The following UNC79 variants were observed in gnomAD, a reference collection of about 807,000 sequenced individuals.
UNC79 encodes protein unc-79 homolog.
Under a neutral mutation model 283.1 loss-of-function variants are expected in UNC79, and 37 were observed. That is an observed-to-expected ratio of 0.13 (90% CI 0.10 to 0.17). UNC79 has a LOEUF of 0.17. Ranked by LOEUF, UNC79 falls within the 10% of genes least tolerant of loss-of-function variation. The pLI, the probability that UNC79 is intolerant of heterozygous loss-of-function variation, is 1.00. For synonymous variants in UNC79, 1,107 were observed against 1,200.2 expected, an observed-to-expected ratio of 0.92 and a Z score of 1.61; for missense variants, 2,272 against 3,211.1, an observed-to-expected ratio of 0.71 and a Z score of 7.07.
intron 1 of UNC79, among the ~76,000 whole-genome samples, chr14:93,355,270 T>G (rs1024273117): frequency 6.6e-6 from 1 of 152,000 alleles, no homozygotes; most frequent in African/African-American, 2.4e-5. Flanking sequence ...CTCAGCTCAC[T>G]CACTGCAACC....
chr14:93,424,016 G>GA (rs1214081266), intron 1 of UNC79, among the ~76,000 whole-genome samples: 5 of 151,940 alleles, frequency 3.3e-5, no homozygotes, highest in South Asian at 2.1e-4. Flanking sequence ...AACTCTGTAG[G>GA]AAAAAAATCT....
rs140363757 is a variant in UNC79, at chr14:93,432,420, C to T, written c.22+1369C>T. 2.7e-3 allele frequency among the ~76,000 whole-genome samples: 410 copies of T among 152,202 alleles called. 1 individual carries two copies. Among genetic ancestry groups the T allele is most frequent in the African/African-American group, 9.3e-3 (388 of 41,524 alleles). On this transcript the variant is annotated intron_variant, in intron 1 of 48. Transcript: ENST00000555664. Reference sequence around the variant, plus strand: ...TGAACTTTATTTCCTCATCTGTAAACCTGGGCTAATCATGCTGATGGGGTT... The same window carrying T: ...TGAACTTTATTTCCTCATCTGTAAATCTGGGCTAATCATGCTGATGGGGTT...
chr14:93,561,384 T>A (rs2141434923), intron 14 of UNC79, among the ~76,000 whole-genome samples: 1 of 151,854 alleles, frequency 6.6e-6, no homozygotes, highest in Middle Eastern at 3.4e-3. Context: ...TCTGGGGAGG[T>A]CTTGCTGGAC....
intron 33 of UNC79, among the ~76,000 whole-genome samples, chr14:93,641,802 T>C (rs1164321676): frequency 1.3e-5 from 2 of 152,222 alleles, no homozygotes; most frequent in Non-Finnish European, 2.9e-5. Flanking sequence ...TCACCTTGAA[T>C]TGTAATAATC....
intron 39 of UNC79, among the ~76,000 whole-genome samples, chr14:93,660,429 AG>A (rs2071412665): frequency 6.7e-6 from 1 of 150,098 alleles, no homozygotes; most frequent in Non-Finnish European, 1.5e-5. Context: ...GCTTGAATTC[AG>A]GCTTCTCTTT....
At chr14:93,447,447 T>C (rs2056496475) in intron 1 of UNC79, among the ~76,000 whole-genome samples, 1 of 152,132 alleles carries the variant, frequency 6.6e-6, no homozygotes, top group African/African-American at 2.4e-5. Flanking sequence ...TACATCTACA[T>C]ATGTTATAAA....
chr14:93,489,222 G>A lies in UNC79; in HGVS notation c.712+1467G>A, dbSNP rs73345833. Among the ~76,000 whole-genome samples, 620 of 152,308 alleles carry A rather than the reference G, an allele frequency of 4.1e-3. 2 individuals carry two copies. Among genetic ancestry groups the A allele is most frequent in the African/African-American group, 0.013 (555 of 41,574 alleles). ...CAAAGTACTGGGATTACATGCATAAGCCACCATGTCTGGCAACATACAAAT... is the reference window on the plus strand; with the variant it reads ...CAAAGTACTGGGATTACATGCATAAACCACCATGTCTGGCAACATACAAAT... On this transcript the variant is annotated intron_variant, in intron 5 of 48. Coordinates refer to ENST00000555664, the Ensembl canonical transcript of UNC79.
At chr14:93,548,977 T>C (rs1431036102) in intron 14 of UNC79, among the ~76,000 whole-genome samples, 1 of 152,242 alleles carries the variant, frequency 6.6e-6, no homozygotes, top group Non-Finnish European at 1.5e-5. Context: ...AATCTCACAA[T>C]TTCTAGATGC....
rs928411124 is a variant in UNC79 at position 93,538,343 on chromosome 14, C to T, written c.1352+125C>T. On this transcript the variant is annotated intron_variant, in intron 12 of 48. Transcript: ENST00000555664. The stretch of plus-strand genomic sequence containing the variant: ...CCCTTAGCCCAGATGCTCACCTTCC[C>T]ACAGTGTTGTAATGATGCTATTTTA... The T allele has an allele frequency of 8.3e-6, 8 of 967,902 alleles. No homozygotes were observed. The African/African-American group carries it at 1.3e-4, about 16-fold the overall frequency. 60.0% of individuals were successfully genotyped at this position (967,902 alleles called of 1,614,324 possible).
chr14:93,342,773 A>G (rs1490073936), intron 1 of UNC79, among the ~76,000 whole-genome samples: 2 of 152,194 alleles, frequency 1.3e-5, no homozygotes, highest in Non-Finnish European at 2.9e-5. Flanking sequence ...GCTGCTCGGA[A>G]ATTTCTTCTG....
intron 42 of UNC79, among the ~76,000 whole-genome samples, chr14:93,685,644 A>G (rs1029918799): frequency 3.3e-5 from 5 of 152,214 alleles, no homozygotes; most frequent in Admixed American, 6.5e-5. Context: ...AGTTAAGTCT[A>G]TAATGTTCCA....
chr14:93,664,422 C>G, intron 40 of UNC79, among the ~76,000 whole-genome samples: 1 of 152,064 alleles, frequency 6.6e-6, no homozygotes. Context: ...ATATAAGTAG[C>G]CCTGTGGTGG....
At chr14:93,601,472 T>A (rs552460319) in intron 25 of UNC79, among the ~76,000 whole-genome samples, 1 of 152,262 alleles carries the variant, frequency 6.6e-6, no homozygotes, top group Non-Finnish European at 1.5e-5. Context: ...ATGGTACATA[T>A]GTATACCACA....
At chr14:93,372,663 C>T (rs1434910721) in intron 1 of UNC79, among the ~76,000 whole-genome samples, 2 of 152,166 alleles carry the variant, frequency 1.3e-5, no homozygotes, top group Non-Finnish European at 2.9e-5. Flanking sequence ...GATCAAAATA[C>T]ATGAGACAAA....
chr14:93,439,736 T>C (rs2056225166), intron 1 of UNC79, among the ~76,000 whole-genome samples: 1 of 152,174 alleles, frequency 6.6e-6, no homozygotes, highest in Non-Finnish European at 1.5e-5. Flanking sequence ...TGTGCTTTTT[T>C]TGTAGTGGAA....
chr14:93,566,190 A>C (rs2062867922), intron 14 of UNC79, among the ~76,000 whole-genome samples: 1 of 152,134 alleles, frequency 6.6e-6, no homozygotes, highest in South Asian at 2.1e-4. Flanking sequence ...AATGTTCCCC[A>C]TGTCCTGTGG....
intron 1 of UNC79, among the ~76,000 whole-genome samples, chr14:93,362,801 G>T (rs1222051985): frequency 6.6e-6 from 1 of 152,146 alleles, no homozygotes; most frequent in African/African-American, 2.4e-5. Flanking sequence ...GTTTCTGAGA[G>T]ATTTTGTTTT....
At chr14:93,689,925 G>A (rs2074557268) in intron 44 of UNC79, 192 bp from the exon 48 acceptor site, 1 of 597,030 alleles carries the variant, frequency 1.7e-6, no homozygotes, top group Non-Finnish European at 2.9e-6. Flanking sequence ...AAGAAGCTGA[G>A]ATCCAGGATT....
At chr14:93,430,079 G>A (rs746180641), upstream of UNC79, among the ~76,000 whole-genome samples, 5 of 152,184 alleles carry the variant, frequency 3.3e-5, no homozygotes, top group Admixed American at 6.5e-5. The surrounding 1 kb of genome is among the most constrained non-coding windows in gnomAD (Gnocchi z 4.6). Flanking sequence ...CTTTCCCGCT[G>A]CCTTCGGTTT....
Sources: allele counts gnomAD v4.1 joint callset (sites outside exome capture counted in the v4.1 genomes callset), GRCh38; gene constraint gnomAD v4.1.1; non-coding constraint Gnocchi (gnomAD v3.1); transcripts MANE v1.5; gene names NCBI Gene and HGNC (gene_info 2026-07-23, HGNC 2026-07-21).